FNDC1: variants seen among roughly 807,000 people sequenced by gnomAD.
FNDC1 encodes fibronectin type III domain-containing protein 1.
FNDC1 carries 96 observed loss-of-function variants against 168.0 expected under a neutral mutation model. The ratio of observed to expected loss-of-function variants is 0.57; its 90% CI spans 0.48 to 0.68. The LOEUF (loss-of-function observed/expected upper bound fraction) is 0.68, where lower values mean the gene tolerates loss of function less well. Ranked by LOEUF, FNDC1 falls within the 30% of genes least tolerant of loss-of-function variation. The probability of loss-of-function intolerance (pLI) is 0.00; values close to 1 mark genes in which losing one functional copy is unlikely to be tolerated. For synonymous variants in FNDC1, 1,099 were observed against 1,025.9 expected, an observed-to-expected ratio of 1.07 and a Z score of -1.36; for missense variants, 2,587 against 2,482.1, an observed-to-expected ratio of 1.04 and a Z score of -0.90.
chr6:159,227,122 A>G (rs474108), intron 9 of FNDC1, among the ~76,000 whole-genome samples: 58,405 of 152,174 alleles, frequency 0.38, 14,353 homozygotes, highest in East Asian at 0.73. Context: ...TAAAGAATAA[A>G]AATAGAGTAA....
At chr6:159,216,773 C>T (rs140875114) in intron 5 of FNDC1, among the ~76,000 whole-genome samples, 132 of 152,370 alleles carry the variant, frequency 8.7e-4, no homozygotes, top group African/African-American at 2.9e-3. Context: ...TTGCTTCTTA[C>T]TTACTGTCAT....
At chr6:159,196,478 T>A (rs547941074) in intron 1 of FNDC1, among the ~76,000 whole-genome samples, 45 of 152,360 alleles carry the variant, frequency 3.0e-4, no homozygotes, top group Non-Finnish European at 5.1e-4. Flanking sequence ...CTCACATATG[T>A]GTCATCACTA....
chr6:159,257,911 T>A (rs1426249713), intron 18 of FNDC1, among the ~76,000 whole-genome samples: 2 of 150,192 alleles, frequency 1.3e-5, no homozygotes, highest in Non-Finnish European at 3.0e-5. Flanking sequence ...ATGTCTTTTT[T>A]TTTTTTTTTT....
intron 5 of FNDC1, among the ~76,000 whole-genome samples, chr6:159,218,852 A>C (rs371417): frequency 3.3e-5 from 5 of 151,680 alleles, no homozygotes; most frequent in African/African-American, 1.2e-4. Context: ...GCTGCAGGAC[A>C]GGGAGCTGAG....
chr6:159,267,596 G>A (rs1342810169), intron 21 of FNDC1, among the ~76,000 whole-genome samples: 2 of 151,914 alleles, frequency 1.3e-5, no homozygotes, highest in African/African-American at 4.8e-5. Context: ...CATTCATTAA[G>A]TATTTAGCAT....
chr6:159,233,950 C>T lies in FNDC1; in HGVS notation c.3438C>T (p.Ser1146=), dbSNP rs745680250. 4 of 1,568,286 alleles carry T rather than the reference C, an allele frequency of 2.6e-6. No individual in the cohort carries two copies. In the African/African-American group the frequency reaches 4.1e-5, roughly 16 times the overall value. The part of the protein sequence containing the change: ...ARPSRPGGPQ[S]RARVPSRAAP... ...CCAGCCGACCCGGCGGCCCCCAGTC[C>T]CGCGCCCGGGTACCCAGCAGGGCAG... Residue 1146 remains serine, a synonymous_variant, in exon 11 of 23, where the codon TCC becomes TCT. Transcript: ENST00000297267. This position sits in a 1 kb window ranked among gnomAD's most constrained non-coding sequence, Gnocchi z 4.6.
At chr6:159,208,041 GA>G (rs1320864789) in intron 4 of FNDC1, among the ~76,000 whole-genome samples, 1 of 152,150 alleles carries the variant, frequency 6.6e-6, no homozygotes, top group Non-Finnish European at 1.5e-5. Flanking sequence ...GAATGGCTGA[GA>G]ACTAAAGCAC....
At chr6:159,207,263 C>T (rs539130294) in intron 4 of FNDC1, among the ~76,000 whole-genome samples, 36 of 152,246 alleles carry the variant, frequency 2.4e-4, no homozygotes, top group African/African-American at 7.9e-4. Flanking sequence ...TCTTAGGACA[C>T]CAGGATGTGT....
intron 14 of FNDC1, chr6:159,243,061 A>G (rs901139486): frequency 6.6e-6 from 1 of 152,216 alleles, no homozygotes; most frequent in African/African-American, 2.4e-5. Flanking sequence ...CAGTTGAGAC[A>G]ATGTCTTCTG....
At chr6:159,234,963 C>T (rs2114995367) in intron 11 of FNDC1, among the ~76,000 whole-genome samples, 1 of 152,342 alleles carries the variant, frequency 6.6e-6, no homozygotes, top group South Asian at 2.1e-4. Flanking sequence ...GTAGGCTTAT[C>T]TTGTTCTTGT....
chr6:159,234,591 G>A lies in FNDC1; in HGVS notation c.3967+112G>A, dbSNP rs938090699. On this transcript the variant is annotated intron_variant, in intron 11 of 22. Coordinates refer to ENST00000297267, the MANE Select transcript of FNDC1 (RefSeq NM_032532.3). The stretch of plus-strand genomic sequence containing the variant: ...AGCACCTACTATGTCCACGCACCGT[G>A]TTAAGAGCTTTGCACATGTGACATA... 17 of 979,336 alleles carry A rather than the reference G, an allele frequency of 1.7e-5. No individual in the cohort carries two copies. The African/African-American group carries it at 2.4e-4, about 14-fold the overall frequency. 60.7% of individuals were successfully genotyped at this position (979,336 alleles called of 1,614,324 possible). A position where few individuals can be genotyped will look rare whatever the true frequency, so the allele number is the denominator to read the frequency against.
chr6:159,259,329 T>C (rs1427017603), intron 18 of FNDC1, among the ~76,000 whole-genome samples: 2 of 152,212 alleles, frequency 1.3e-5, no homozygotes, highest in Non-Finnish European at 2.9e-5. Context: ...TGGGAATATG[T>C]CTTTGGAATG....
chr6:159,190,452 C>G (rs1782111087), intron 1 of FNDC1, among the ~76,000 whole-genome samples: 1 of 152,226 alleles, frequency 6.6e-6, no homozygotes, highest in Admixed American at 6.5e-5. Context: ...TTCCATTTGG[C>G]TCCACTCCCA....
At chr6:159,195,121 C>A (rs143756090) in intron 1 of FNDC1, among the ~76,000 whole-genome samples, 1 of 151,896 alleles carries the variant, frequency 6.6e-6, no homozygotes, top group African/African-American at 2.4e-5. Context: ...AGGAGATTGA[C>A]GGTAAGGTTG....
At chr6:159,209,067 G>A (rs113004916) in intron 4 of FNDC1, among the ~76,000 whole-genome samples, 309 of 152,156 alleles carry the variant, frequency 2.0e-3, no homozygotes, top group Non-Finnish European at 3.8e-3. Context: ...GGCTGGTCCC[G>A]AACTCCCGAC....
chr6:159,234,813 A>G (rs1783210520), intron 11 of FNDC1, among the ~76,000 whole-genome samples: 2 of 152,192 alleles, frequency 1.3e-5, no homozygotes, highest in African/African-American at 4.8e-5. Context: ...ACTGTCCTAC[A>G]TTGCCTCTTT....
intron 1 of FNDC1, among the ~76,000 whole-genome samples, chr6:159,187,918 A>G (rs968329941): frequency 6.6e-6 from 1 of 152,188 alleles, no homozygotes; most frequent in Non-Finnish European, 1.5e-5. Context: ...TCTATGTCGT[A>G]TATCACATTG....
chr6:159,202,574 C>T (rs1782403116), intron 4 of FNDC1, among the ~76,000 whole-genome samples: 1 of 152,224 alleles, frequency 6.6e-6, no homozygotes. Context: ...TAGGGTCTCA[C>T]ATCCTTCCTG....
intron 1 of FNDC1, among the ~76,000 whole-genome samples, chr6:159,174,099 A>G (rs895356829): frequency 6.6e-6 from 1 of 152,250 alleles, no homozygotes; most frequent in African/African-American, 2.4e-5. Flanking sequence ...AGAGGTATTT[A>G]AAGGTATAAA....
Sources: gnomAD v4.1 joint callset for allele counts (sites outside exome capture counted in the v4.1 genomes callset) on GRCh38, gnomAD v4.1.1 for gene constraint, Gnocchi (gnomAD v3.1) non-coding constraint, MANE v1.5 for transcripts, NCBI Gene and HGNC (gene_info 2026-07-23, HGNC 2026-07-21) for gene names.